NINJ2: variants seen among roughly 807,000 people sequenced by gnomAD.
NINJ2 encodes ninjurin 2.
NINJ2 carries 12 observed loss-of-function variants against 11.7 expected under a neutral mutation model. The observed-to-expected ratio is 1.02, with a 90% CI of 0.66 to 1.66. The LOEUF is 1.66. Ranked by LOEUF, NINJ2 falls within the 40% of genes most tolerant of loss-of-function variation. The probability of loss-of-function intolerance (pLI) is 0.00; values close to 1 mark genes in which losing one functional copy is unlikely to be tolerated. For missense variants in NINJ2, 187 were observed against 181.8 expected (o/e 1.03, Z -0.16); for synonymous variants, 93 against 76.8 (o/e 1.21, Z -1.10).
At chr12:634,678 G>A (rs573791020) in intron 1 of NINJ2, among the ~76,000 whole-genome samples, 90 of 152,112 alleles carry the variant, frequency 5.9e-4, no homozygotes, top group Admixed American at 4.4e-3. Flanking sequence ...GAGAATGGTC[G>A]TACCCAAGAT....
At chr12:605,397 G>A (rs905391086) in intron 1 of NINJ2, among the ~76,000 whole-genome samples, 2 of 152,120 alleles carry the variant, frequency 1.3e-5, no homozygotes, top group African/African-American at 2.4e-5. Context: ...GATTCCTATC[G>A]GAAAAGACTA....
chr12:580,218 TC>T lies in NINJ2; in HGVS notation c.34-14041del, dbSNP rs574101653. ...AGGAGATAGAGAGCTTATCCATCCCTCCCCAGTGGAAAAGCTTCATGGGAAC... is the reference window on the plus strand; with the variant it reads ...AGGAGATAGAGAGCTTATCCATCCCTCCCAGTGGAAAAGCTTCATGGGAAC... On this transcript the variant is annotated intron_variant, in intron 1 of 3. Coordinates refer to ENST00000305108, the MANE Select transcript of NINJ2 (RefSeq NM_016533.6). This position sits in a 1 kb window ranked among gnomAD's most constrained non-coding sequence, Gnocchi z 4.7. 7.2e-5 allele frequency among the ~76,000 whole-genome samples: 11 copies of T among 152,184 alleles called. No homozygotes were observed. In the South Asian group the frequency reaches 8.3e-4, roughly 12 times the overall value.
chr12:628,726 G>C lies in NINJ2; in HGVS notation c.33+34602C>G, dbSNP rs1169982994. Reference sequence around the variant, plus strand: ...AAAGCAGGATGCAGTAAGGAAGCCTGCCAAAACCCACCAAAACCAAGATGG... The same window carrying C: ...AAAGCAGGATGCAGTAAGGAAGCCTCCCAAAACCCACCAAAACCAAGATGG... On this transcript the variant is annotated intron_variant, in intron 1 of 3. Coordinates refer to ENST00000305108, the MANE Select transcript of NINJ2 (RefSeq NM_016533.6). This position sits in a 1 kb window ranked among gnomAD's most constrained non-coding sequence, Gnocchi z 4.4. 1.3e-5 allele frequency among the ~76,000 whole-genome samples: 2 copies of C among 152,148 alleles called. No individual in the cohort carries two copies. Among genetic ancestry groups the C allele is most frequent in the Non-Finnish European group, 2.9e-5 (2 of 68,030 alleles).
chr12:660,824 G>T (rs1293447261), intron 1 of NINJ2, among the ~76,000 whole-genome samples: 2 of 152,132 alleles, frequency 1.3e-5, no homozygotes, highest in Non-Finnish European at 2.9e-5. Flanking sequence ...AGCCAAGTGT[G>T]GTGGTACATG....
At chr12:629,896 A>AAAAAAAAAAAAATATAT in intron 1 of NINJ2, among the ~76,000 whole-genome samples, 17 of 9,900 alleles carry the variant, frequency 1.7e-3, no homozygotes, top group Non-Finnish European at 5.2e-3. Flanking sequence ...AAAAAAAAAA[A>AAAAAAAAAAAAATATAT]ATATATATAT....
At chr12:582,291 A>G (rs867830380) in intron 1 of NINJ2, among the ~76,000 whole-genome samples, 46 of 95,246 alleles carry the variant, frequency 4.8e-4, no homozygotes, top group East Asian at 1.2e-3. Flanking sequence ...GAATGAATGG[A>G]CGCAGGCAGG....
At chr12:652,313 A>G (rs115821298) in intron 1 of NINJ2, among the ~76,000 whole-genome samples, 164 of 152,372 alleles carry the variant, frequency 1.1e-3, no homozygotes, top group African/African-American at 3.8e-3. Context: ...GGAATTCTCT[A>G]TCTTGCAAAA....
chr12:587,674 C>T (rs1227232389), intron 1 of NINJ2, among the ~76,000 whole-genome samples: 2 of 150,584 alleles, frequency 1.3e-5, no homozygotes, highest in East Asian at 2.0e-4. Context: ...TTCCCTGCCC[C>T]GGGGCCTCTG....
intron 1 of NINJ2, among the ~76,000 whole-genome samples, chr12:579,088 G>C (rs1020192256): frequency 2.0e-5 from 3 of 152,232 alleles, no homozygotes; most frequent in Non-Finnish European, 2.9e-5. Flanking sequence ...GGGTGTATAT[G>C]AGTTTTGTAT....
At chr12:611,281 CTT>C (rs1491174352) in intron 1 of NINJ2, among the ~76,000 whole-genome samples, 29 of 147,616 alleles carry the variant, frequency 2.0e-4, no homozygotes, top group Non-Finnish European at 2.5e-4. Context: ...TTCTCTCTCT[CTT>C]TCTTTCTCTT....
In NINJ2 at chr12:566,053, C is replaced by T. The variant is rs758318423; in HGVS notation, c.159G>A (p.Val53=). ...AGTGAGAGGATGGTCCCTGCTCCAG[C>T]ACCGCCTTCAGCCGCATGGCGTTGG... ...FMSNAMRLKA[V]LEQGPSSHYY... is the part of the protein sequence containing the mutation. Residue 53 remains valine (V), a synonymous_variant, in exon 2 of 4, where the codon GTG becomes GTA. Coordinates refer to ENST00000305108, the MANE Select transcript of NINJ2 (RefSeq NM_016533.6). 1 of 1,614,196 alleles carries T rather than the reference C, an allele frequency of 6.2e-7. No homozygotes were observed. Among genetic ancestry groups the T allele is most frequent in the Non-Finnish European group, 8.5e-7 (1 of 1,180,032 alleles).
intron 1 of NINJ2, among the ~76,000 whole-genome samples, chr12:620,870 T>C (rs1017403706): frequency 6.6e-6 from 1 of 152,170 alleles, no homozygotes; most frequent in South Asian, 2.1e-4. Flanking sequence ...CCTCAGGTGA[T>C]CCACCCACCT....
intron 1 of NINJ2, among the ~76,000 whole-genome samples, chr12:653,636 A>G (rs1386686085): frequency 6.6e-6 from 1 of 152,206 alleles, no homozygotes; most frequent in Non-Finnish European, 1.5e-5. Context: ...CAACTGATAC[A>G]CTATGAATGG....
intron 1 of NINJ2, among the ~76,000 whole-genome samples, chr12:575,609 C>T (rs1276844007): frequency 1.3e-5 from 2 of 152,208 alleles, no homozygotes; most frequent in African/African-American, 4.8e-5. Context: ...TGAGACGGCT[C>T]CTTCTGCTGC....
At chr12:584,574 G>T (rs1361319891) in intron 1 of NINJ2, among the ~76,000 whole-genome samples, 1 of 152,152 alleles carries the variant, frequency 6.6e-6, no homozygotes, top group Non-Finnish European at 1.5e-5. Flanking sequence ...GGGAGGCGGA[G>T]GCAGGTGGAT....
chr12:629,896 A>AAAAAAAAT, intron 1 of NINJ2, among the ~76,000 whole-genome samples: 4 of 9,900 alleles, frequency 4.0e-4, no homozygotes, highest in African/African-American at 5.8e-4. Context: ...AAAAAAAAAA[A>AAAAAAAAT]ATATATATAT....
rs78373339 is a variant in NINJ2, at chr12:591,864, G to A, written c.34-25686C>T. Among the ~76,000 whole-genome samples the A allele has an allele frequency of 2.0e-5, 3 of 152,152 alleles. No homozygotes were observed. Among genetic ancestry groups the A allele is most frequent in the Non-Finnish European group, 2.9e-5 (2 of 68,036 alleles). ...AGCCTTCTGAAAGAGTGACGTGGCC[G>A]GCGGCAGGTATGGTGTGTGACTTAA... On this transcript the variant is annotated intron_variant, in intron 1 of 3. Coordinates refer to ENST00000305108, the MANE Select transcript of NINJ2 (RefSeq NM_016533.6). This position sits in a 1 kb window ranked among gnomAD's most constrained non-coding sequence, Gnocchi z 5.0.
chr12:650,437 C>G (rs917351827), intron 1 of NINJ2, among the ~76,000 whole-genome samples: 1 of 152,210 alleles, frequency 6.6e-6, no homozygotes, highest in Admixed American at 6.5e-5. Context: ...CGGTGGCTCA[C>G]GCCTGTAATC....
intron 1 of NINJ2, among the ~76,000 whole-genome samples, chr12:647,418 CAG>C (rs1178635497): frequency 1.4e-5 from 2 of 139,286 alleles, no homozygotes; most frequent in South Asian, 2.1e-4. Context: ...GTAGCACTGA[CAG>C]TGTGGTGGTG....
Sources: allele counts gnomAD v4.1 joint callset (sites outside exome capture counted in the v4.1 genomes callset), GRCh38; gene constraint gnomAD v4.1.1; non-coding constraint Gnocchi (gnomAD v3.1); transcripts MANE v1.5; gene names NCBI Gene and HGNC (gene_info 2026-07-23, HGNC 2026-07-21).